The following UTRN variants were observed in gnomAD, a reference collection of about 807,000 sequenced individuals.
UTRN encodes dystrophin-related protein 1.
Under a neutral mutation model 463.9 loss-of-function variants are expected in UTRN, and 283 were observed. That is an observed-to-expected ratio of 0.61 (90% confidence interval 0.55 to 0.67). The LOEUF is 0.67. Among genes scored for constraint, UTRN ranks in the 30% least tolerant of loss-of-function variants. UTRN has a pLI of 0.00. For synonymous variants in UTRN, 1,442 were observed against 1,431.5 expected (o/e 1.01, Z -0.17); for missense variants, 3,922 against 4,084.3 (o/e 0.96, Z 1.08).
chr6:144,436,887 T>A (rs1786607283), intron 10 of UTRN, among the ~76,000 whole-genome samples: 1 of 144,854 alleles, frequency 6.9e-6, no homozygotes, highest in Non-Finnish European at 1.5e-5. Context: ...AATATATAAA[T>A]ATTTTTATAT....
At chr6:144,733,757 C>A (rs770824894) in intron 54 of UTRN, among the ~76,000 whole-genome samples, 1 of 152,114 alleles carries the variant, frequency 6.6e-6, no homozygotes, top group Non-Finnish European at 1.5e-5. Context: ...TAGAGATGAA[C>A]TAGTCCAAGG....
chr6:144,471,045 A>C (rs1377407108), intron 23 of UTRN, among the ~76,000 whole-genome samples: 2 of 37,886 alleles, frequency 5.3e-5, no homozygotes, highest in African/African-American at 1.1e-4. Flanking sequence ...AGGGAGGGGG[A>C]GAGGGAGGGG....
chr6:144,767,790 A>G (rs960088321), intron 58 of UTRN, among the ~76,000 whole-genome samples: 4 of 152,174 alleles, frequency 2.6e-5, no homozygotes, highest in Non-Finnish European at 5.9e-5. Context: ...AGCAATATAC[A>G]TAGTTCTTGT....
chr6:144,555,548 A>G (rs1199503785), intron 49 of UTRN, among the ~76,000 whole-genome samples: 1 of 152,176 alleles, frequency 6.6e-6, no homozygotes, highest in African/African-American at 2.4e-5. Context: ...TTCTTGCCTC[A>G]GCCTTCCAAG....
intron 23 of UTRN, among the ~76,000 whole-genome samples, chr6:144,467,643 C>A (rs745532978): frequency 6.6e-6 from 1 of 152,080 alleles, no homozygotes; most frequent in Non-Finnish European, 1.5e-5. Flanking sequence ...CTCCAACAGG[C>A]AGAACCAGGT....
intron 40 of UTRN, 64 bp from the exon 41 acceptor site, chr6:144,522,952 C>A: frequency 8.4e-7 from 1 of 1,183,618 alleles, no homozygotes; most frequent in South Asian, 1.7e-5. Flanking sequence ...AATATCTGGT[C>A]ATCTGTGATT....
intron 47 of UTRN, among the ~76,000 whole-genome samples, chr6:144,550,325 G>C (rs1798790508): frequency 6.6e-6 from 1 of 152,170 alleles, no homozygotes; most frequent in East Asian, 1.9e-4. Context: ...CTGGGAAAAA[G>C]TCATTTGCCA....
Position 144,551,976 on chromosome 6 carries a change from A to C in UTRN, c.6928+894A>C, listed in dbSNP as rs564967097. 3.4e-3 allele frequency among the ~76,000 whole-genome samples: 510 copies of C among 152,090 alleles called. 3 individuals are homozygous for C. Among genetic ancestry groups the C allele is most frequent in the South Asian group, 7.9e-3 (38 of 4,814 alleles). On this transcript the variant is annotated intron_variant, in intron 48 of 74. Transcript: ENST00000367545. ...CTGGTGAATGTTAATTTCTATTTTT[A>C]GTTCCTTCTATGGCCTTTCCCCCCA...
rs761896019 is a variant in UTRN at position 144,839,208 on chromosome 6, A to T, written c.10101A>T (p.Pro3367=). Residue 3367 remains proline (P), a synonymous_variant, in exon 72 of 75, where the codon CCA becomes CCT. Transcript: ENST00000367545. The part of the protein sequence containing the change: ...ESDSRINGVS[P]WASPQHSALS... ...ATTCCCGAATCAATGGTGTTTCCCC[A>T]TGGGCTTCTCCTCAGCATTCTGCAC... 6.2e-7 allele frequency: 1 copy of T among 1,614,074 alleles called. No individual in the cohort carries two copies. Among genetic ancestry groups the T allele is most frequent in the East Asian group, 2.2e-5 (1 of 44,866 alleles).
At chr6:144,449,844 T>C (rs1788076448) in intron 17 of UTRN, among the ~76,000 whole-genome samples, 1 of 152,156 alleles carries the variant, frequency 6.6e-6, no homozygotes, top group Non-Finnish European at 1.5e-5. Flanking sequence ...CCTCACCCTT[T>C]GTTAGCTTTG....
intron 35 of UTRN, among the ~76,000 whole-genome samples, chr6:144,512,728 AG>A (rs1357602609): frequency 1.3e-5 from 2 of 151,644 alleles, no homozygotes; most frequent in East Asian, 3.9e-4. Flanking sequence ...TTTTGTAGAG[AG>A]GGGGTTTCAC....
chr6:144,537,778 C>CAT, intron 44 of UTRN, 61 bp downstream of exon 44: 10 of 1,549,334 alleles, frequency 6.5e-6, no homozygotes, highest in Non-Finnish European at 8.7e-6. Context: ...TTCAGAGTCA[C>CAT]ATACTGCGTG....
rs746685076 is a variant in UTRN at position 144,836,518 on chromosome 6, C to T, written c.10042C>T (p.Arg3348Cys). The T allele has an allele frequency of 5.5e-5, 88 of 1,613,610 alleles. No individual in the cohort carries two copies. Among genetic ancestry groups the T allele is most frequent in the Non-Finnish European group, 6.9e-5 (81 of 1,179,960 alleles). ...TAAACAGCTGGAGTCTCAGCTCCACCGCCTCCGACAGCTGCTGGAGCAGGT... is the reference window on the plus strand; with the variant it reads ...TAAACAGCTGGAGTCTCAGCTCCACTGCCTCCGACAGCTGCTGGAGCAGGT... ...HNKQLESQLH[R>C]LRQLLEQPES... is the part of the protein sequence containing the mutation. The change falls in exon 71 of 75, where the codon CGC (arginine) becomes TGC (cysteine). Residue 3348 changes from arginine (R) to cysteine (C), a missense_variant. This residue lies in a region of UTRN where 1,309 missense variants were observed against 1,452.6 expected (regional missense o/e 0.90). Transcript: ENST00000367545.
At chr6:144,411,597 A>T (rs566230791) in intron 3 of UTRN, among the ~76,000 whole-genome samples, 73 of 152,204 alleles carry the variant, frequency 4.8e-4, no homozygotes, top group African/African-American at 1.6e-3. Flanking sequence ...TGTCTGTATG[A>T]CTTGTGATTC....
chr6:144,480,868 C>T (rs2128573346), intron 26 of UTRN, among the ~76,000 whole-genome samples: 1 of 152,198 alleles, frequency 6.6e-6, no homozygotes, highest in African/African-American at 2.4e-5. Flanking sequence ...GACATTCATA[C>T]ATTATTATAC....
intron 66 of UTRN, among the ~76,000 whole-genome samples, chr6:144,824,794 C>T (rs550435256): frequency 2.0e-5 from 3 of 146,564 alleles, no homozygotes; most frequent in Admixed American, 1.4e-4. Context: ...GTCCCCCCAG[C>T]GTTAAGAATG....
Position 144,513,911 on chromosome 6 carries a change from C to T in UTRN, c.4947C>T (p.Asn1649=). 3 of 1,612,624 alleles carry T rather than the reference C, an allele frequency of 1.9e-6. No homozygotes were observed. Among genetic ancestry groups the T allele is most frequent in the Non-Finnish European group, 2.5e-6 (3 of 1,179,484 alleles). The change falls in exon 36 of 75, where the codon AAC becomes AAT. Residue 1649 remains asparagine, a splice_region_variant and synonymous_variant. Transcript: ENST00000367545. The part of the protein sequence containing the change: ...WTEDWCNTLM[N]HQNQLEIFDG... ...GCATTTTATTAATTCCTTTGTAGAA[C>T]CATCAGAACCAGCTAGAAATATTTG... is the stretch of plus-strand genomic sequence containing the variant.
chr6:144,659,728 T>C (rs1454720411), intron 51 of UTRN: 2 of 152,616 alleles, frequency 1.3e-5, no homozygotes, highest in Admixed American at 1.3e-4. Context: ...TTTTTTTTTT[T>C]CGTTCTGAAA....
intron 2 of UTRN, among the ~76,000 whole-genome samples, chr6:144,302,186 G>A (rs1484546800): frequency 6.6e-6 from 1 of 152,090 alleles, no homozygotes; most frequent in African/African-American, 2.4e-5. Flanking sequence ...CTAGCCTTTA[G>A]CTTAGTCTCC....
Sources: gnomAD v4.1 joint callset for allele counts (sites outside exome capture counted in the v4.1 genomes callset) on GRCh38, gnomAD v4.1.1 for gene constraint, gnomAD v4.1.1 regional missense constraint, MANE v1.5 for transcripts, NCBI Gene and HGNC (gene_info 2026-07-23, HGNC 2026-07-21) for gene names.